The following RBFOX1 variants were observed in gnomAD, a reference collection of about 807,000 sequenced individuals.
RBFOX1 encodes the protein RNA binding protein fox-1 homolog 1.
A neutral mutation model predicts 57.7 loss-of-function variants in RBFOX1; 8 were observed. The ratio of observed to expected loss-of-function variants is 0.14; its 90% CI spans 0.08 to 0.25. RBFOX1 has a LOEUF of 0.25. Among genes scored for constraint, RBFOX1 ranks in the 10% least tolerant of loss-of-function variants. The probability of loss-of-function intolerance (pLI) is 1.00; values close to 1 mark genes in which losing one functional copy is unlikely to be tolerated. For synonymous variants in RBFOX1, 326 were observed against 222.4 expected (o/e 1.47, Z -4.15); for missense variants, 611 against 548.5 (o/e 1.11, Z -1.14).
chr16:5,533,600 C>T (rs1202829210), intron 2 of RBFOX1, among the ~76,000 whole-genome samples: 2 of 152,178 alleles, frequency 1.3e-5, no homozygotes, highest in African/African-American at 2.4e-5. Flanking sequence ...CCCCAGTAGA[C>T]ATCTCAGCAT....
At chr16:6,306,269 G>A (rs529621688) in intron 1 of RBFOX1, among the ~76,000 whole-genome samples, 1 of 152,250 alleles carries the variant, frequency 6.6e-6, no homozygotes, top group African/African-American at 2.4e-5. Flanking sequence ...GGCTTTGCTA[G>A]GGAGGCAGTA....
intron 3 of RBFOX1, among the ~76,000 whole-genome samples, chr16:6,746,024 G>A (rs895746830): frequency 2.6e-5 from 4 of 152,118 alleles, no homozygotes; most frequent in African/African-American, 7.2e-5. Context: ...ATTTGCAATA[G>A]CATTTTGAAC....
At chr16:7,513,255 C>G (rs1270883150) in intron 4 of RBFOX1, among the ~76,000 whole-genome samples, 1 of 120,624 alleles carries the variant, frequency 8.3e-6, no homozygotes, top group African/African-American at 3.2e-5. Flanking sequence ...AGGAGCAAAA[C>G]TCTGTGTCAA....
intron 3 of RBFOX1, chr16:6,704,980 C>A (rs1031108584): frequency 1.3e-5 from 2 of 151,956 alleles, no homozygotes; most frequent in African/African-American, 4.8e-5. Flanking sequence ...GATAATGCTA[C>A]CTCATGGCTA....
At chr16:5,431,025 A>G (rs1300706835) in intron 1 of RBFOX1, among the ~76,000 whole-genome samples, 1 of 152,238 alleles carries the variant, frequency 6.6e-6, no homozygotes, top group Non-Finnish European at 1.5e-5. Context: ...GAAGGATGGC[A>G]GGAGCCTACT....
chr16:5,441,363 G>GT (rs34446326), intron 1 of RBFOX1, among the ~76,000 whole-genome samples: 8,028 of 111,648 alleles, frequency 0.072, 293 homozygotes, highest in Middle Eastern at 0.16. Context: ...AGGAAAGAGG[G>GT]TTTTTTTTTT....
intron 1 of RBFOX1, among the ~76,000 whole-genome samples, chr16:6,058,655 CATCCATCCATCCACCCACCATCCACCA>C (rs2095644896): frequency 1.3e-5 from 2 of 150,824 alleles, no homozygotes; most frequent in African/African-American, 4.9e-5. Flanking sequence ...TCCATCCACC[CATCCATCCATCCACCCACCATCCACCA>C]ATCCATTCAC....
chr16:6,374,031 T>C (rs562767519), intron 2 of RBFOX1, among the ~76,000 whole-genome samples: 1 of 152,314 alleles, frequency 6.6e-6, no homozygotes, highest in Non-Finnish European at 1.5e-5. Context: ...AGATTTAATA[T>C]TCAGTTTGAC....
chr16:6,776,437 AC>A (rs2079367683), intron 3 of RBFOX1, among the ~76,000 whole-genome samples: 3 of 151,552 alleles, frequency 2.0e-5, no homozygotes, highest in Non-Finnish European at 1.5e-5. Context: ...CAAAAAACAA[AC>A]AAACAAACAA....
intron 1 of RBFOX1, among the ~76,000 whole-genome samples, chr16:5,389,108 G>C (rs989865020): frequency 2.6e-5 from 4 of 151,710 alleles, no homozygotes; most frequent in Non-Finnish European, 4.4e-5. Context: ...GGAGAATGGC[G>C]TGAACCCGGG....
At chr16:5,434,507 A>C (rs1477561816) in intron 1 of RBFOX1, among the ~76,000 whole-genome samples, 1 of 151,362 alleles carries the variant, frequency 6.6e-6, no homozygotes, top group Non-Finnish European at 1.5e-5. Context: ...TTTTTAGTAG[A>C]GATGAGGTTT....
At chr16:5,981,116 G>A (rs976068108) in intron 4 of RBFOX1, among the ~76,000 whole-genome samples, 5 of 152,176 alleles carry the variant, frequency 3.3e-5, no homozygotes, top group Admixed American at 2.6e-4. Flanking sequence ...TACCGATACA[G>A]ATTTCCCTTT....
At chr16:6,615,031 C>T (rs1365907411) in intron 2 of RBFOX1, among the ~76,000 whole-genome samples, 3 of 152,148 alleles carry the variant, frequency 2.0e-5, no homozygotes, top group Non-Finnish European at 4.4e-5. Context: ...CATTGTGATG[C>T]ATAAGATGAT....
chr16:5,833,507 A>AC (rs2056355414), intron 3 of RBFOX1, among the ~76,000 whole-genome samples: 1 of 151,620 alleles, frequency 6.6e-6, no homozygotes, highest in African/African-American at 2.4e-5. Context: ...AAAAAAAAAA[A>AC]AAAAAAAAGA....
At chr16:5,804,366 A>G (rs1016129290) in intron 3 of RBFOX1, among the ~76,000 whole-genome samples, 2 of 152,222 alleles carry the variant, frequency 1.3e-5, no homozygotes, top group African/African-American at 4.8e-5. Context: ...AACTTAGTTT[A>G]TTGGTGGTAG....
At chr16:5,710,735 C>T (rs1042241204) in intron 3 of RBFOX1, among the ~76,000 whole-genome samples, 9 of 152,248 alleles carry the variant, frequency 5.9e-5, no homozygotes, top group African/African-American at 2.2e-4. Flanking sequence ...ACATCTGAAG[C>T]AACATGGAGC....
chr16:7,212,907 G>A (rs2091408749), intron 4 of RBFOX1, among the ~76,000 whole-genome samples: 1 of 152,118 alleles, frequency 6.6e-6, no homozygotes, highest in Non-Finnish European at 1.5e-5. Context: ...GGCAATAGTG[G>A]TTACATGTAA....
intron 12 of RBFOX1, among the ~76,000 whole-genome samples, chr16:7,663,153 A>G (rs2145567801): frequency 6.6e-6 from 1 of 152,308 alleles, no homozygotes; most frequent in South Asian, 2.1e-4. Flanking sequence ...CTTTCATCAG[A>G]CCTTGGCAGA....
At chr16:7,302,431 G>C (rs1308024419) in intron 4 of RBFOX1, among the ~76,000 whole-genome samples, 2 of 152,108 alleles carry the variant, frequency 1.3e-5, no homozygotes, top group Non-Finnish European at 2.9e-5. Context: ...GGTGAGCCCT[G>C]AGGAGGAGGG....
Sources: gnomAD v4.1 joint callset for allele counts (sites outside exome capture counted in the v4.1 genomes callset) on GRCh38, gnomAD v4.1.1 for gene constraint, MANE v1.5 for transcripts, NCBI Gene and HGNC (gene_info 2026-07-23, HGNC 2026-07-21) for gene names.